Variants in OVCH1 observed in about 807,000 individuals in gnomAD.
OVCH1 encodes the protein ovochymase 1.
In OVCH1, 139 loss-of-function variants were observed where a neutral mutation model predicts 138.4. The ratio of observed to expected loss-of-function variants is 1.00; its 90% confidence interval spans 0.87 to 1.16. The LOEUF is 1.16. Ranked by LOEUF, OVCH1 falls within the 50% of genes most tolerant of loss-of-function variation. The probability of loss-of-function intolerance (pLI) is 0.00; values close to 1 mark genes in which losing one functional copy is unlikely to be tolerated. For missense variants in OVCH1, 1,367 were observed against 1,357.9 expected (o/e 1.01, Z -0.11); for synonymous variants, 453 against 467.8 (o/e 0.97, Z 0.41).
Position 29,496,547 on chromosome 12 carries a change from T to G in OVCH1, c.183+9A>C. 1 of 1,561,048 alleles carries G rather than the reference T, an allele frequency of 6.4e-7. No homozygotes were observed. The highest frequency in any genetic ancestry group is 1.1e-5 in the South Asian group (1 of 87,802). ...CTCATTAAGAAATCAATGCCTTTGT[T>G]GCACTGACCTGCCATGGATGTCCAG... On this transcript the variant is annotated intron_variant, in intron 2 of 27. Transcript: ENST00000318184.
chr12:29,418,192 A>G (rs1294767019), intron 3 of OVCH1, among the ~76,000 whole-genome samples: 1 of 152,212 alleles, frequency 6.6e-6, no homozygotes, highest in Admixed American at 6.5e-5. Flanking sequence ...CCTGCCCAAG[A>G]TTGCATGACT....
At chr12:29,474,453 T>C (rs1942635346) in intron 14 of OVCH1, among the ~76,000 whole-genome samples, 2 of 152,284 alleles carry the variant, frequency 1.3e-5, no homozygotes, top group East Asian at 3.9e-4. Flanking sequence ...GTGAAATGCT[T>C]AGTGAATACC....
intron 3 of OVCH1, among the ~76,000 whole-genome samples, chr12:29,414,766 A>G (rs1941010218): frequency 6.6e-6 from 1 of 152,194 alleles, no homozygotes; most frequent in Admixed American, 6.5e-5. Flanking sequence ...AAGGATAGTC[A>G]ATCCAGCATT....
At chr12:29,471,653 A>G in intron 16 of OVCH1, 149 bp downstream of exon 16, 1 of 848,072 alleles carries the variant, frequency 1.2e-6, no homozygotes, top group Non-Finnish European at 1.7e-6. Context: ...TTGTTTAAAT[A>G]GTAGCTAGAT....
chr12:29,479,874 A>G (rs1394651611), intron 8 of OVCH1, among the ~76,000 whole-genome samples: 2 of 135,862 alleles, frequency 1.5e-5, no homozygotes, highest in Non-Finnish European at 3.1e-5. Flanking sequence ...CCCAGGCTGG[A>G]GTGCAGTGGC....
chr12:29,443,583 A>T, intron 24 of OVCH1, 83 bp from the exon 25 acceptor site: 2 of 1,330,488 alleles, frequency 1.5e-6, no homozygotes, highest in Non-Finnish European at 2.0e-6. Context: ...TTAATGCATC[A>T]ATGTTATTGA....
exon 5 of OVCH1, chr12:29,491,148 C>T: frequency 6.2e-7 from 1 of 1,613,740 alleles, no homozygotes; most frequent in Non-Finnish European, 8.5e-7. Flanking sequence ...CCTGGTTCAA[C>T]TTTATCATCG....
intron 2 of OVCH1, 69 bp from the exon 3 acceptor site, chr12:29,496,347 T>C: frequency 3.0e-6 from 4 of 1,334,868 alleles, no homozygotes; most frequent in East Asian, 2.5e-5. Flanking sequence ...TCGGAAACAC[T>C]GGAGATCAAC....
At chr12:29,455,516 T>C (rs1369904) in intron 19 of OVCH1, 111 bp from the exon 20 acceptor site, 463,732 of 1,193,574 alleles carry the variant, frequency 0.39, 94,725 homozygotes, top group Middle Eastern at 0.46. Flanking sequence ...TTTAATTCCT[T>C]AAAGATTTGT....
At chr12:29,475,062 T>C (rs762669665) in exon 14 of OVCH1, 1 of 1,583,854 alleles carries the variant, frequency 6.3e-7, no homozygotes, top group Non-Finnish European at 8.6e-7. Flanking sequence ...TATACTCACC[T>C]GAGGGCAAAA....
chr12:29,439,318 A>G (rs1411809167), intron 26 of OVCH1: 1 of 1,498,246 alleles, frequency 6.7e-7, no homozygotes. Context: ...CACCTCTTTG[A>G]GTTACTCACC....
intron 9 of OVCH1, among the ~76,000 whole-genome samples, chr12:29,478,422 A>G (rs570600002): frequency 5.9e-5 from 9 of 152,220 alleles, no homozygotes; most frequent in Admixed American, 2.6e-4. Context: ...AAAAATAATA[A>G]AAAAAACTGC....
At position 29,471,907 on chromosome 12, in the gene OVCH1, TG is replaced by T; in HGVS notation, c.1750del (p.His584ThrfsTer9). 1 of 1,613,426 alleles carries T rather than the reference TG, an allele frequency of 6.2e-7. No individual in the cohort carries two copies. The highest frequency in any genetic ancestry group is 8.5e-7 in the Non-Finnish European group (1 of 1,179,676). On this transcript the variant is annotated frameshift_variant, in exon 16 of 28. Coordinates refer to ENST00000318184, the Ensembl canonical transcript of OVCH1. LOFTEE classifies it high-confidence loss of function. The stretch of plus-strand genomic sequence containing the variant: ...CAGACCCACCTGCCATGGCCAACAG[TG>T]GGGGCAGGCTTCTTCCCCTCCTGCG...
At chr12:29,474,896 A>G (rs1216623440) in intron 14 of OVCH1, among the ~76,000 whole-genome samples, 165 bp downstream of exon 14, 1 of 152,206 alleles carries the variant, frequency 6.6e-6, no homozygotes, top group African/African-American at 2.4e-5. Context: ...GCCCCATCCC[A>G]GATCTACAGA....
At chr12:29,446,400 T>A (rs918762063) in intron 22 of OVCH1, among the ~76,000 whole-genome samples, 4 of 152,156 alleles carry the variant, frequency 2.6e-5, no homozygotes, top group African/African-American at 9.6e-5. Flanking sequence ...TGAATGTAAC[T>A]TTTAAATGAA....
chr12:29,411,835 G>C (rs1289658829), downstream of OVCH1, among the ~76,000 whole-genome samples: 1 of 151,184 alleles, frequency 6.6e-6, no homozygotes, highest in Non-Finnish European at 1.5e-5. Flanking sequence ...TCTCTTCAAA[G>C]CTGCCAGACA....
intron 5 of OVCH1, among the ~76,000 whole-genome samples, chr12:29,490,669 C>T (rs936967004): frequency 6.6e-6 from 1 of 152,192 alleles, no homozygotes; most frequent in Admixed American, 6.5e-5. Context: ...ACTTGTCATA[C>T]AATTCCACAT....
intron 4 of OVCH1, among the ~76,000 whole-genome samples, chr12:29,493,769 T>C (rs1194969151): frequency 6.6e-6 from 1 of 152,224 alleles, no homozygotes; most frequent in Non-Finnish European, 1.5e-5. Flanking sequence ...TTTAATATAC[T>C]AATTTTCTAT....
At chr12:29,481,810 A>G (rs747300572) in intron 8 of OVCH1, among the ~76,000 whole-genome samples, 1 of 152,178 alleles carries the variant, frequency 6.6e-6, no homozygotes, top group African/African-American at 2.4e-5. Flanking sequence ...CAACAGTTCT[A>G]TTCTTCCAAT....
Sources: gnomAD v4.1 joint callset for allele counts (sites outside exome capture counted in the v4.1 genomes callset) on GRCh38, gnomAD v4.1.1 for gene constraint, MANE v1.5 for transcripts, NCBI Gene and HGNC (gene_info 2026-07-23, HGNC 2026-07-21) for gene names.